The following CTNNA1 variants were observed in gnomAD, a reference collection of about 807,000 sequenced individuals.
CTNNA1 encodes the protein catenin alpha 1, also known as catenin alpha-1.
Under a neutral mutation model 98.4 loss-of-function variants are expected in CTNNA1, and 37 were observed. That is an observed-to-expected ratio of 0.38 (90% CI 0.29 to 0.49). The LOEUF (loss-of-function observed/expected upper bound fraction) is 0.49, where lower values mean the gene tolerates loss of function less well. CTNNA1 is among the 20% of genes least tolerant of loss of function. The pLI is 0.95. For missense variants in CTNNA1, 761 were observed against 1,147.2 expected (o/e 0.66, Z 4.86); for synonymous variants, 404 against 413.2 (o/e 0.98, Z 0.27).
chr5:138,842,188 T>A (rs1762328823), intron 7 of CTNNA1, among the ~76,000 whole-genome samples: 1 of 152,172 alleles, frequency 6.6e-6, no homozygotes, highest in Admixed American at 6.5e-5. Context: ...TAGTTCCAGC[T>A]ACTCGGGAGG....
rs1580984502 is a variant in CTNNA1 at position 138,783,304 on chromosome 5, A to C, written c.233A>C (p.Lys78Thr). 2 of 1,614,136 alleles carry C rather than the reference A, an allele frequency of 1.2e-6. No individual in the cohort carries two copies. Among genetic ancestry groups the C allele is most frequent in the Non-Finnish European group, 1.7e-6 (2 of 1,179,996 alleles). Residue 78 changes from lysine (K) to threonine (T), a missense_variant, in exon 3 of 18, where the codon AAA becomes ACA. Physicochemically the swap from Lys to Thr is moderately conservative, Grantham distance 78. Coordinates refer to ENST00000302763, the MANE Select transcript of CTNNA1 (RefSeq NM_001903.5). ...GAGAATTTCTTGGAGAAGGGGGATA[A>C]AATTGCGAAGGAGAGCCAGTTTCTC... ...ATENFLEKGD[K>T]IAKESQFLKE...
intron 7 of CTNNA1, among the ~76,000 whole-genome samples, chr5:138,835,636 T>TA (rs1161697340): frequency 6.6e-6 from 1 of 152,192 alleles, no homozygotes; most frequent in African/African-American, 2.4e-5. Flanking sequence ...TTTTATTTAA[T>TA]AAATTTTATT....
At chr5:138,847,768 T>A (rs1231656251) in intron 7 of CTNNA1, among the ~76,000 whole-genome samples, 2 of 152,218 alleles carry the variant, frequency 1.3e-5, no homozygotes. Flanking sequence ...AGTAAACTTT[T>A]GATGCATTAC....
chr5:138,772,134 A>G (rs1389677043), intron 1 of CTNNA1, among the ~76,000 whole-genome samples: 2 of 152,212 alleles, frequency 1.3e-5, no homozygotes, highest in East Asian at 1.9e-4. Context: ...TGATAGAACT[A>G]TGCTTTTATT....
intron 7 of CTNNA1, among the ~76,000 whole-genome samples, chr5:138,830,860 A>C (rs1247083910): frequency 1.3e-5 from 2 of 152,176 alleles, no homozygotes; most frequent in East Asian, 3.8e-4. Context: ...TGGAAATTGC[A>C]AGGAGGTTGA....
chr5:138,916,557 G>A (rs976079629), intron 10 of CTNNA1, among the ~76,000 whole-genome samples: 1 of 151,346 alleles, frequency 6.6e-6, no homozygotes, highest in African/African-American at 2.4e-5. Context: ...GAGTCTCACT[G>A]TGTTGCCCAA....
intron 7 of CTNNA1, among the ~76,000 whole-genome samples, chr5:138,877,884 C>G (rs898246377): frequency 1.3e-5 from 2 of 152,126 alleles, no homozygotes; most frequent in African/African-American, 4.8e-5. Context: ...ACGTTAGTTC[C>G]TTGGGGAGAA....
chr5:138,866,075 T>C (rs1181515933), intron 7 of CTNNA1, among the ~76,000 whole-genome samples: 1 of 152,150 alleles, frequency 6.6e-6, no homozygotes, highest in African/African-American at 2.4e-5. Context: ...CTTTGTGGGC[T>C]GAGGCGAGTG....
intron 7 of CTNNA1, among the ~76,000 whole-genome samples, chr5:138,842,100 T>A (rs746638197): frequency 4.6e-5 from 7 of 152,300 alleles, no homozygotes; most frequent in Admixed American, 2.0e-4. Context: ...AGAAAAATTA[T>A]ACCGGCCGGG....
chr5:138,811,961 A>G, intron 4 of CTNNA1: 1 of 394,122 alleles, frequency 2.5e-6, no homozygotes, highest in South Asian at 2.7e-5. Flanking sequence ...GGGAAGGGGG[A>G]GGGAATTTTG....
chr5:138,931,917 C>T, intron 16 of CTNNA1: 1 of 985,484 alleles, frequency 1.0e-6, no homozygotes, highest in Non-Finnish European at 1.2e-6. Context: ...TGTGTTTCTC[C>T]CTTTGGGTAA....
chr5:138,932,444 A>G, intron 16 of CTNNA1, 134 bp from the exon 17 acceptor site: 1 of 1,464,856 alleles, frequency 6.8e-7, no homozygotes, highest in Non-Finnish European at 9.1e-7. Flanking sequence ...TGCCTCAGGT[A>G]ATTGGGTGAT....
chr5:138,859,237 T>G lies in CTNNA1; in HGVS notation c.1063-26975T>G, dbSNP rs1377807258. Among the ~76,000 whole-genome samples the G allele has an allele frequency of 2.6e-5, 4 of 152,260 alleles. No homozygotes were observed. In the East Asian group the frequency reaches 5.8e-4, roughly 22 times the overall value. ...ATAGCACATGACTTGTTCAAGTGGCTTTGATGTTGAGGGAATGCTTCCCTT... is the reference window on the plus strand; with the variant it reads ...ATAGCACATGACTTGTTCAAGTGGCGTTGATGTTGAGGGAATGCTTCCCTT... On this transcript the variant is annotated intron_variant, in intron 7 of 17. Transcript: ENST00000302763.
chr5:138,828,562 A>G (rs1199950192), intron 7 of CTNNA1, among the ~76,000 whole-genome samples: 4 of 152,232 alleles, frequency 2.6e-5, no homozygotes, highest in Admixed American at 2.0e-4. Flanking sequence ...TAAAAATTAT[A>G]TGAAATCATT....
chr5:138,909,851 A>C (rs1405169312), intron 10 of CTNNA1, among the ~76,000 whole-genome samples: 1 of 152,174 alleles, frequency 6.6e-6, no homozygotes, highest in African/African-American at 2.4e-5. Context: ...CTAGGTGGGA[A>C]AATACATGGC....
At chr5:138,781,596 C>T (rs1190199037) in intron 1 of CTNNA1, among the ~76,000 whole-genome samples, 2 of 151,262 alleles carry the variant, frequency 1.3e-5, no homozygotes, top group East Asian at 3.9e-4. Flanking sequence ...TTCACTTTAG[C>T]TTTTCATCTT....
chr5:138,891,628 C>T (rs1034939633), intron 9 of CTNNA1, among the ~76,000 whole-genome samples: 2 of 152,038 alleles, frequency 1.3e-5, no homozygotes, highest in Admixed American at 6.5e-5. Flanking sequence ...GGCATGGTGG[C>T]GGGTGCCTGT....
intron 11 of CTNNA1, among the ~76,000 whole-genome samples, chr5:138,923,623 C>T (rs1388687154): frequency 6.6e-6 from 1 of 152,162 alleles, no homozygotes; most frequent in African/African-American, 2.4e-5. Flanking sequence ...CTCCTGGGTT[C>T]AAGCCATCCT....
intron 7 of CTNNA1, among the ~76,000 whole-genome samples, chr5:138,864,380 G>A (rs1764550137): frequency 6.6e-6 from 1 of 152,112 alleles, no homozygotes; most frequent in African/African-American, 2.4e-5. Context: ...AGTGACTCCT[G>A]AGCAGTAAAC....
Sources: gnomAD v4.1 joint callset for allele counts (sites outside exome capture counted in the v4.1 genomes callset) on GRCh38, gnomAD v4.1.1 for gene constraint, MANE v1.5 for transcripts, NCBI Gene and HGNC (gene_info 2026-07-23, HGNC 2026-07-21) for gene names.